The following SENP6 variants were observed in gnomAD, a reference collection of about 807,000 sequenced individuals.
SENP6 encodes the protein sentrin-specific protease 6.
In SENP6, 41 loss-of-function variants were observed where a neutral mutation model predicts 134.5. The ratio of observed to expected loss-of-function variants is 0.30; its 90% CI spans 0.24 to 0.40. SENP6 has a LOEUF of 0.40. Ranked by LOEUF, SENP6 falls within the 10% of genes least tolerant of loss-of-function variation. SENP6 has a pLI of 1.00. For synonymous variants in SENP6, 395 were observed against 429.8 expected, an observed-to-expected ratio of 0.92 and a Z score of 1.00; for missense variants, 1,248 against 1,312.5, an observed-to-expected ratio of 0.95 and a Z score of 0.76.
At chr6:75,635,730 CA>C (rs2149839054) in intron 5 of SENP6, among the ~76,000 whole-genome samples, 1 of 152,106 alleles carries the variant, frequency 6.6e-6, no homozygotes, top group African/African-American at 2.4e-5. Flanking sequence ...TACTCTACTG[CA>C]AAGTATACAA....
chr6:75,617,740 C>G (rs1767971634), intron 1 of SENP6, among the ~76,000 whole-genome samples: 1 of 152,148 alleles, frequency 6.6e-6, no homozygotes, highest in Non-Finnish European at 1.5e-5. Context: ...CCAGTAATTC[C>G]ATTAACACCC....
intron 6 of SENP6, among the ~76,000 whole-genome samples, chr6:75,645,186 G>T (rs1400015655): frequency 6.6e-6 from 1 of 152,184 alleles, no homozygotes; most frequent in Non-Finnish European, 1.5e-5. Flanking sequence ...TGACAGTAGA[G>T]CTTCTCTGCC....
At position 75,668,144 on chromosome 6, in the gene SENP6, TTTAC is replaced by T. The variant is rs1021194613; in HGVS notation, c.1224+1211_1224+1214del. On this transcript the variant is annotated intron_variant, in intron 10 of 23. Transcript: ENST00000447266. ...ATAGAAAAATATATGGATTTACTTA[TTTAC>T]TTACTTATTTAAAGGGGGGATCTTG... is the stretch of plus-strand genomic sequence containing the variant. Among the ~76,000 whole-genome samples, 80 of 152,288 alleles carry T rather than the reference TTTAC, an allele frequency of 5.3e-4. 1 individual carries two copies. Among genetic ancestry groups the T allele is most frequent in the Middle Eastern group, 3.4e-3 (1 of 292 alleles).
intron 6 of SENP6, among the ~76,000 whole-genome samples, chr6:75,643,767 C>A (rs1214082386): frequency 1.3e-5 from 2 of 151,998 alleles, no homozygotes; most frequent in African/African-American, 4.8e-5. Context: ...TTTAATACAT[C>A]TTGAAAATTA....
intron 6 of SENP6, among the ~76,000 whole-genome samples, chr6:75,646,328 C>T (rs1371452291): frequency 6.6e-6 from 1 of 152,088 alleles, no homozygotes; most frequent in Admixed American, 6.5e-5. Context: ...AGATGTTGCT[C>T]TGCTTGATAT....
intron 12 of SENP6, 73 bp from the exon 13 acceptor site, chr6:75,675,787 T>G (rs940572334): frequency 1.4e-5 from 18 of 1,281,334 alleles, no homozygotes; most frequent in Non-Finnish European, 1.9e-5. Flanking sequence ...AACTTGTATT[T>G]CCTCACAATT....
chr6:75,703,446 G>A (rs1393032661), intron 19 of SENP6, among the ~76,000 whole-genome samples: 2 of 152,046 alleles, frequency 1.3e-5, no homozygotes, highest in Non-Finnish European at 2.9e-5. Flanking sequence ...ATAGAGTCAT[G>A]TAATCACTAC....
intron 3 of SENP6, among the ~76,000 whole-genome samples, chr6:75,632,838 C>G (rs1025221800): frequency 3.9e-5 from 6 of 152,038 alleles, no homozygotes; most frequent in African/African-American, 1.4e-4. Flanking sequence ...CTTATTTCCT[C>G]CCAGTAATTT....
chr6:75,659,225 C>T lies in SENP6; in HGVS notation c.551-37C>T, dbSNP rs752811221. The T allele has an allele frequency of 9.3e-6, 14 of 1,507,176 alleles. No homozygotes were observed. The Admixed American group carries it at 2.9e-4, about 31-fold the overall frequency. 93.4% of individuals were successfully genotyped at this position (1,507,176 alleles called of 1,614,324 possible). ...TTGCTGAAACACTAGCTTATTTTAA[C>T]TAAAACTTAAAGTTTATTTTTTTCT... On this transcript the variant is annotated intron_variant, in intron 7 of 23. Coordinates refer to ENST00000447266, the MANE Select transcript of SENP6 (RefSeq NM_015571.4).
intron 5 of SENP6, 25 bp from the exon 6 acceptor site, chr6:75,640,658 AT>A (rs751128112): frequency 8.1e-5 from 121 of 1,498,858 alleles, no homozygotes; most frequent in South Asian, 2.2e-4. Flanking sequence ...TGCCTCTTAT[AT>A]TTTTTTTCTT....
In SENP6 at chr6:75,621,466, C is replaced by T. The variant is rs1040084220; in HGVS notation, c.53-66C>T. ...GAATAATCAAAGAGCTTGGGAAATG[C>T]ACATATTTGTTTTATATTGAATAGC... is the stretch of plus-strand genomic sequence containing the variant. On this transcript the variant is annotated intron_variant, in intron 1 of 23. Transcript: ENST00000447266. 9.6e-6 allele frequency: 9 copies of T among 940,842 alleles called. No individual in the cohort carries two copies. The East Asian group carries it at 1.0e-4, about 11-fold the overall frequency. The allele number at this position is 940,842 out of a possible 1,614,324, so 58.3% of individuals were successfully genotyped here.
chr6:75,679,878 T>C (rs1480274555), intron 16 of SENP6: 1 of 152,228 alleles, frequency 6.6e-6, no homozygotes, highest in Non-Finnish European at 1.5e-5. Context: ...TGCTGGAATC[T>C]GCTGAATTGA....
At chr6:75,644,475 C>CTTTTTTTTTT (rs71002753) in intron 6 of SENP6, among the ~76,000 whole-genome samples, 27 of 143,470 alleles carry the variant, frequency 1.9e-4, no homozygotes, top group Non-Finnish European at 2.6e-4. Flanking sequence ...TTCTTTCTTT[C>CTTTTTTTTTT]TTTTTTTTTT....
intron 10 of SENP6, among the ~76,000 whole-genome samples, chr6:75,669,274 C>G (rs2149872063): frequency 6.6e-6 from 1 of 152,188 alleles, no homozygotes; most frequent in South Asian, 2.1e-4. Context: ...ATTGCTTGAA[C>G]CCCCTAGGGA....
chr6:75,705,740 C>CT (rs922661323), intron 19 of SENP6, among the ~76,000 whole-genome samples: 221 of 147,792 alleles, frequency 1.5e-3, no homozygotes, highest in South Asian at 2.1e-3. Flanking sequence ...CATTTTTCTT[C>CT]TTTTTTTTTA....
At chr6:75,638,696 A>G (rs1486123904) in intron 5 of SENP6, among the ~76,000 whole-genome samples, 1 of 131,922 alleles carries the variant, frequency 7.6e-6, no homozygotes, top group Non-Finnish European at 1.6e-5. Flanking sequence ...GGGAAGTATT[A>G]TACCTAACCC....
chr6:75,603,843 C>A (rs117312932), intron 1 of SENP6, among the ~76,000 whole-genome samples: 5 of 152,062 alleles, frequency 3.3e-5, no homozygotes, highest in South Asian at 2.1e-4. Context: ...TACAAGCCAG[C>A]CTTTATCTAA....
chr6:75,625,730 A>G (rs1336936831), intron 3 of SENP6, among the ~76,000 whole-genome samples: 1 of 152,150 alleles, frequency 6.6e-6, no homozygotes, highest in Non-Finnish European at 1.5e-5. Flanking sequence ...TTAGCCAGGC[A>G]TGGTAGTGGG....
intron 3 of SENP6, among the ~76,000 whole-genome samples, chr6:75,628,983 C>A (rs1237401746): frequency 2.0e-5 from 3 of 152,178 alleles, no homozygotes; most frequent in Admixed American, 2.0e-4. Context: ...CCTTGGCCTC[C>A]CAAAGTGCTG....
Sources: allele counts gnomAD v4.1 joint callset (sites outside exome capture counted in the v4.1 genomes callset), GRCh38; gene constraint gnomAD v4.1.1; transcripts MANE v1.5; gene names NCBI Gene and HGNC (gene_info 2026-07-23, HGNC 2026-07-21).